TENM4: variants seen among roughly 807,000 people sequenced by gnomAD.
The protein encoded by TENM4 is teneurin transmembrane protein 4.
TENM4 carries 82 observed loss-of-function variants against 243.3 expected under a neutral mutation model. That is an observed-to-expected ratio of 0.34 (90% CI 0.28 to 0.40). The LOEUF (loss-of-function observed/expected upper bound fraction) is 0.40, where lower values mean the gene tolerates loss of function less well. Among genes scored for constraint, TENM4 ranks in the 10% least tolerant of loss-of-function variants. The pLI, the probability that TENM4 is intolerant of heterozygous loss-of-function variation, is 1.00. For synonymous variants in TENM4, 1,412 were observed against 1,456.3 expected (o/e 0.97, Z 0.69); for missense variants, 3,138 against 3,673.3 (o/e 0.85, Z 3.77).
intron 6 of TENM4, among the ~76,000 whole-genome samples, chr11:79,006,086 C>G (rs1858475878): frequency 6.6e-6 from 1 of 152,206 alleles, no homozygotes; most frequent in Admixed American, 6.5e-5. Flanking sequence ...TTCAGCAAAA[C>G]ATGGCCTACA....
chr11:78,719,529 C>G (rs1004820695), intron 25 of TENM4, among the ~76,000 whole-genome samples: 30 of 152,194 alleles, frequency 2.0e-4, no homozygotes, highest in East Asian at 9.6e-4. Context: ...CTAAGACTTT[C>G]TTTCATCCCA....
chr11:79,439,399 C>T (rs1859348452), intron 1 of TENM4, among the ~76,000 whole-genome samples: 1 of 152,068 alleles, frequency 6.6e-6, no homozygotes, highest in African/African-American at 2.4e-5. Flanking sequence ...CCCAACTGAG[C>T]AGTAATACAC....
At chr11:79,047,883 C>T (rs1419677796) in intron 6 of TENM4, among the ~76,000 whole-genome samples, 1 of 152,100 alleles carries the variant, frequency 6.6e-6, no homozygotes, top group East Asian at 1.9e-4. Context: ...TATGTAATAT[C>T]TGACCTGTAA....
intron 7 of TENM4, among the ~76,000 whole-genome samples, chr11:78,894,108 C>T (rs149826798): frequency 4.3e-4 from 65 of 152,302 alleles, no homozygotes; most frequent in African/African-American, 1.5e-3. Context: ...ATACAGCAGG[C>T]ACATAGTCAG....
At chr11:79,297,431 G>A (rs192646392) in intron 2 of TENM4, 57 bp downstream of exon 2, 2 of 152,790 alleles carry the variant, frequency 1.3e-5, no homozygotes, top group African/African-American at 4.8e-5. Context: ...CAGGGGTTAG[G>A]TTGTGCAGAC....
At chr11:78,673,741 A>G (rs1454096930) in intron 30 of TENM4, among the ~76,000 whole-genome samples, 6 of 152,268 alleles carry the variant, frequency 3.9e-5, no homozygotes, top group South Asian at 2.1e-4. Context: ...AAATGACAGC[A>G]AACGATCGTG....
chr11:79,429,634 C>T (rs528512093), intron 1 of TENM4, among the ~76,000 whole-genome samples: 2 of 152,222 alleles, frequency 1.3e-5, no homozygotes, highest in East Asian at 3.9e-4. Flanking sequence ...GGTAGCAAAG[C>T]AGAGAATTCA....
At chr11:78,972,901 C>A (rs1395107097) in intron 6 of TENM4, among the ~76,000 whole-genome samples, 1 of 152,242 alleles carries the variant, frequency 6.6e-6, no homozygotes, top group East Asian at 1.9e-4. Flanking sequence ...TTTGCCTATT[C>A]TGAGCATTTC....
At chr11:79,246,981 TTC>T (rs1855527176) in intron 2 of TENM4, among the ~76,000 whole-genome samples, 1 of 112,768 alleles carries the variant, frequency 8.9e-6, no homozygotes, top group Non-Finnish European at 1.9e-5. Flanking sequence ...AATATTGTAT[TTC>T]TCAAAAAAAA....
chr11:79,061,720 G>C (rs1009377445), intron 6 of TENM4, among the ~76,000 whole-genome samples: 1 of 152,160 alleles, frequency 6.6e-6, no homozygotes, highest in Non-Finnish European at 1.5e-5. Context: ...TTTTGCTACA[G>C]AGGGAACTCA....
rs186102386 is a variant in TENM4, at chr11:78,869,087, C to G, written c.1085-5955G>C. Among the ~76,000 whole-genome samples, 12 of 152,066 alleles carry G rather than the reference C, an allele frequency of 7.9e-5. No homozygotes were observed. In the South Asian group the frequency reaches 2.5e-3, roughly 32 times the overall value. ...TACAAAGCCACCACATTTAAAAGTT[C>G]CAAACCAAGAAACTATATACACAAG... is the stretch of plus-strand genomic sequence containing the variant. On this transcript the variant is annotated intron_variant, in intron 9 of 33. Coordinates refer to ENST00000278550, the MANE Select transcript of TENM4 (RefSeq NM_001098816.3).
chr11:79,039,240 T>C (rs915510330), intron 6 of TENM4, among the ~76,000 whole-genome samples: 4 of 152,236 alleles, frequency 2.6e-5, no homozygotes, highest in Non-Finnish European at 4.4e-5. Flanking sequence ...TTGCAGCATC[T>C]GTGCCTGGTG....
At chr11:78,962,577 CAA>C (rs1857353043) in intron 6 of TENM4, among the ~76,000 whole-genome samples, 1 of 152,088 alleles carries the variant, frequency 6.6e-6, no homozygotes, top group South Asian at 2.1e-4. Flanking sequence ...TGCAGGCTGG[CAA>C]AGAGGGAATC....
chr11:78,970,692 A>G (rs1857524128), intron 6 of TENM4, among the ~76,000 whole-genome samples: 1 of 152,194 alleles, frequency 6.6e-6, no homozygotes, highest in South Asian at 2.1e-4. Context: ...TTATGGTCCA[A>G]CAAAAGACAG....
At chr11:78,797,341 A>G (rs1290517715) in intron 15 of TENM4, among the ~76,000 whole-genome samples, 1 of 152,204 alleles carries the variant, frequency 6.6e-6, no homozygotes, top group Non-Finnish European at 1.5e-5. Context: ...TTGAAAGAAC[A>G]GTTTTTTTTT....
At chr11:79,013,687 T>G (rs185572173) in intron 6 of TENM4, among the ~76,000 whole-genome samples, 21 of 152,184 alleles carry the variant, frequency 1.4e-4, no homozygotes, top group Non-Finnish European at 2.4e-4. Flanking sequence ...CACCCAAGGG[T>G]GCAGGAGAAA....
chr11:79,307,577 C>G (rs1229434551), intron 1 of TENM4, among the ~76,000 whole-genome samples: 1 of 152,216 alleles, frequency 6.6e-6, no homozygotes, highest in Non-Finnish European at 1.5e-5. Context: ...CAACCAGTCT[C>G]CCTGCACTCG....
intron 3 of TENM4, among the ~76,000 whole-genome samples, chr11:79,171,288 T>C (rs1863033712): frequency 6.6e-6 from 1 of 152,212 alleles, no homozygotes; most frequent in Admixed American, 6.5e-5. Context: ...GAAATGCTAA[T>C]GCCTCTGTGG....
In TENM4 at chr11:79,032,333, C is replaced by T. The variant is rs149887882; in HGVS notation, c.493+32405G>A. On this transcript the variant is annotated intron_variant, in intron 6 of 33. Coordinates refer to ENST00000278550, the MANE Select transcript of TENM4 (RefSeq NM_001098816.3). ...AATTTGTAACCCTGGATGTAGACCT[C>T]GAAGGGTCCATAGGAGCCTCTTGTC... Among the ~76,000 whole-genome samples the T allele has an allele frequency of 5.3e-3, 801 of 152,252 alleles. 15 individuals are homozygous for T. The highest frequency in any genetic ancestry group is 0.027 in the Middle Eastern group (8 of 294).
Sources: gnomAD v4.1 joint callset for allele counts (sites outside exome capture counted in the v4.1 genomes callset) on GRCh38, gnomAD v4.1.1 for gene constraint, MANE v1.5 for transcripts, NCBI Gene and HGNC (gene_info 2026-07-23, HGNC 2026-07-21) for gene names.